DMXL1: variants seen among roughly 807,000 people sequenced by gnomAD.
DMXL1 encodes the protein dmX-like protein 1.
Under a neutral mutation model 319.2 loss-of-function variants are expected in DMXL1, and 99 were observed. The ratio of observed to expected loss-of-function variants is 0.31; its 90% CI spans 0.26 to 0.37. The LOEUF is 0.37. Ranked by LOEUF, DMXL1 falls within the 10% of genes least tolerant of loss-of-function variation. The pLI, the probability that DMXL1 is intolerant of heterozygous loss-of-function variation, is 1.00. For missense variants in DMXL1, 3,745 were observed against 3,595.6 expected (o/e 1.04, Z -1.06); for synonymous variants, 1,385 against 1,235.2 (o/e 1.12, Z -2.54).
At chr5:119,131,181 A>G (rs992706593) in intron 10 of DMXL1, among the ~76,000 whole-genome samples, 2 of 142,242 alleles carry the variant, frequency 1.4e-5, no homozygotes, top group African/African-American at 2.6e-5. Flanking sequence ...ATTGATTTGT[A>G]TATCTTGACT....
chr5:119,218,713 C>T (rs910732911), intron 35 of DMXL1, among the ~76,000 whole-genome samples: 30 of 152,176 alleles, frequency 2.0e-4, no homozygotes, highest in African/African-American at 7.2e-4. Context: ...CCTGCCTCGG[C>T]CTCCCAAAGT....
At chr5:119,136,270 A>G (rs2150066161) in intron 13 of DMXL1, among the ~76,000 whole-genome samples, 1 of 152,380 alleles carries the variant, frequency 6.6e-6, no homozygotes, top group South Asian at 2.1e-4. Context: ...AAAGCATTCA[A>G]GAGGTCACCT....
At chr5:119,136,070 G>A (rs899831120) in intron 13 of DMXL1, among the ~76,000 whole-genome samples, 2 of 152,194 alleles carry the variant, frequency 1.3e-5, no homozygotes, top group Non-Finnish European at 2.9e-5. Context: ...ATAGTGATAC[G>A]GACAATGAAG....
chr5:119,192,354 T>A (rs1022198388), intron 29 of DMXL1, among the ~76,000 whole-genome samples: 2 of 152,186 alleles, frequency 1.3e-5, no homozygotes, highest in Non-Finnish European at 2.9e-5. Context: ...TTCCTCTCTG[T>A]TGAATCCTTC....
chr5:119,161,986 C>G (rs930466924), intron 19 of DMXL1, among the ~76,000 whole-genome samples: 8 of 152,214 alleles, frequency 5.3e-5, no homozygotes, highest in Non-Finnish European at 1.5e-5. Flanking sequence ...GATGATCTAG[C>G]TGTGACATTG....
intron 39 of DMXL1, among the ~76,000 whole-genome samples, chr5:119,234,055 C>A (rs1022737825): frequency 6.6e-6 from 1 of 152,126 alleles, no homozygotes; most frequent in African/African-American, 2.4e-5. Flanking sequence ...AGGACAAAGA[C>A]CTTATAGCTG....
At chr5:119,150,812 GT>G (rs1252789957) in intron 18 of DMXL1, among the ~76,000 whole-genome samples, 1 of 150,666 alleles carries the variant, frequency 6.6e-6, no homozygotes, top group Non-Finnish European at 1.5e-5. Context: ...TACCATGAAG[GT>G]TTTTTTTGGA....
At chr5:119,092,535 A>G (rs1212271165) in intron 1 of DMXL1, among the ~76,000 whole-genome samples, 1 of 152,126 alleles carries the variant, frequency 6.6e-6, no homozygotes, top group Non-Finnish European at 1.5e-5. Flanking sequence ...CACCCTTTTA[A>G]AGTGTAAATT....
chr5:119,170,402 C>G lies in DMXL1; in HGVS notation c.5611C>G (p.Pro1871Ala). The change falls in exon 24 of 44, where the codon CCA (proline) becomes GCA (alanine). Residue 1871 changes from proline (P) to alanine (A), a missense_variant. This residue lies in a region of DMXL1 where 1,382 missense variants were observed against 1,269.5 expected (regional missense o/e 1.09). Coordinates refer to ENST00000539542, the MANE Select transcript of DMXL1 (RefSeq NM_001290321.3). ...TASAHLKAGC[P>A]MLALEVLSKM... The stretch of plus-strand genomic sequence containing the variant: ...CAGTGCTCATTTAAAAGCTGGCTGC[C>G]CAATGTTGGCTTTGGAAGTATTATC... 6.2e-7 allele frequency: 1 copy of G among 1,613,828 alleles called. No homozygotes were observed. Among genetic ancestry groups the G allele is most frequent in the Non-Finnish European group, 8.5e-7 (1 of 1,179,906 alleles).
Position 119,239,096 on chromosome 5 carries a change from T to C in DMXL1, c.8651+16T>C, listed in dbSNP as rs1302299621. The C allele has an allele frequency of 2.5e-6, 4 of 1,612,790 alleles. No homozygotes were observed. Among genetic ancestry groups the C allele is most frequent in the Non-Finnish European group, 2.5e-6 (3 of 1,179,464 alleles). ...CTGACAATAGGTAAGAGATGATAGC[T>C]AAAATTGAAGTATGAGAAAGTATAG... is the stretch of plus-strand genomic sequence containing the variant. On this transcript the variant is annotated intron_variant, in intron 41 of 43. Coordinates refer to ENST00000539542, the MANE Select transcript of DMXL1 (RefSeq NM_001290321.3).
chr5:119,160,345 A>G (rs1278847428), intron 19 of DMXL1, among the ~76,000 whole-genome samples: 1 of 152,162 alleles, frequency 6.6e-6, no homozygotes, highest in Non-Finnish European at 1.5e-5. Flanking sequence ...TGACTTTTCC[A>G]AGATTTCTCC....
intron 40 of DMXL1, among the ~76,000 whole-genome samples, chr5:119,238,680 G>T (rs750096480): frequency 9.2e-5 from 14 of 152,060 alleles, no homozygotes; most frequent in African/African-American, 1.2e-4. Context: ...TTCATAACGG[G>T]TCATGATATA....
At chr5:119,099,234 G>T (rs1430342411) in intron 2 of DMXL1, among the ~76,000 whole-genome samples, 1 of 150,760 alleles carries the variant, frequency 6.6e-6, no homozygotes, top group African/African-American at 2.4e-5. Flanking sequence ...TTTTTCAGAT[G>T]GAGTCTCGCT....
At chr5:119,200,023 T>C (rs937809050) in intron 32 of DMXL1, among the ~76,000 whole-genome samples, 4 of 152,166 alleles carry the variant, frequency 2.6e-5, no homozygotes, top group Non-Finnish European at 5.9e-5. Flanking sequence ...TTCTGTAGGT[T>C]GTCTGTTTAC....
chr5:119,178,673 C>T, intron 28 of DMXL1: 1 of 984,758 alleles, frequency 1.0e-6, no homozygotes, highest in East Asian at 1.1e-4. Context: ...TTCTCATAGC[C>T]CTCCCAGTCT....
intron 16 of DMXL1, 97 bp from the exon 17 acceptor site, chr5:119,147,152 T>C (rs1172364010): frequency 5.9e-6 from 7 of 1,182,922 alleles, no homozygotes; most frequent in Non-Finnish European, 8.4e-6. Flanking sequence ...TACTATTTTA[T>C]CTTTTACAAG....
Position 119,197,917 on chromosome 5 carries a change from G to C in DMXL1, c.7706G>C (p.Arg2569Pro). The C allele has an allele frequency of 6.2e-7, 1 of 1,614,124 alleles. No homozygotes were observed. Among genetic ancestry groups the C allele is most frequent in the Non-Finnish European group, 8.5e-7 (1 of 1,180,022 alleles). The part of the protein sequence containing the change: ...ESLSAGPAIL[R>P]HKALLEPTNT... ...TTGTCTGCAGGTCCTGCAATTCTTC[G>C]CCACAAAGCTTTACTGGAACCTACA... is the stretch of plus-strand genomic sequence containing the variant. Residue 2569 changes from arginine (R) to proline (P), a missense_variant, in exon 32 of 44, where the codon CGC becomes CCC. Coordinates refer to ENST00000539542, the MANE Select transcript of DMXL1 (RefSeq NM_001290321.3).
chr5:119,121,879 C>G (rs898526262), intron 9 of DMXL1, among the ~76,000 whole-genome samples: 5 of 150,034 alleles, frequency 3.3e-5, no homozygotes, highest in Admixed American at 1.3e-4. Context: ...CGCCCCTCAC[C>G]TCCTGGACGG....
At chr5:119,163,544 G>A (rs1309217651) in intron 19 of DMXL1, among the ~76,000 whole-genome samples, 4 of 152,126 alleles carry the variant, frequency 2.6e-5, no homozygotes, top group Non-Finnish European at 5.9e-5. Flanking sequence ...AGCTTCTTGA[G>A]TAGCTGGGAT....
Sources: allele counts gnomAD v4.1 joint callset (sites outside exome capture counted in the v4.1 genomes callset), GRCh38; gene constraint gnomAD v4.1.1; regional missense constraint gnomAD v4.1.1; transcripts MANE v1.5; gene names NCBI Gene and HGNC (gene_info 2026-07-23, HGNC 2026-07-21).